Variants in RAB23 observed in about 807,000 individuals in gnomAD.
RAB23 encodes ras-related protein Rab-23.
A neutral mutation model predicts 30.0 loss-of-function variants in RAB23; 15 were observed. That is an observed-to-expected ratio of 0.50 (90% CI 0.33 to 0.77). The LOEUF (loss-of-function observed/expected upper bound fraction) is 0.77, where lower values mean the gene tolerates loss of function less well. RAB23 is among the 30% of genes least tolerant of loss of function. The pLI is 0.02. For missense variants in RAB23, 243 were observed against 275.4 expected, an observed-to-expected ratio of 0.88 and a Z score of 0.83; for synonymous variants, 93 against 94.0, an observed-to-expected ratio of 0.99 and a Z score of 0.06.
chr6:57,194,525 T>C (rs1764948289), intron 5 of RAB23, among the ~76,000 whole-genome samples: 1 of 152,098 alleles, frequency 6.6e-6, no homozygotes, highest in Admixed American at 6.5e-5. Context: ...ACTCTACATA[T>C]ATAGCTTACA....
At chr6:57,213,137 G>A (rs1249465887) in intron 1 of RAB23, among the ~76,000 whole-genome samples, 1 of 152,132 alleles carries the variant, frequency 6.6e-6, no homozygotes, top group Non-Finnish European at 1.5e-5. Context: ...CTGCAACCTA[G>A]ATCCCTCACA....
intron 6 of RAB23, among the ~76,000 whole-genome samples, chr6:57,193,022 A>G (rs1180344432): frequency 6.6e-6 from 1 of 152,196 alleles, no homozygotes; most frequent in Non-Finnish European, 1.5e-5. Flanking sequence ...GATTGAAGAG[A>G]ATCTGCATTT....
intron 1 of RAB23, among the ~76,000 whole-genome samples, chr6:57,220,775 C>G (rs955696493): frequency 2.6e-5 from 4 of 151,818 alleles, no homozygotes; most frequent in Admixed American, 1.3e-4. Context: ...ATTTGTTCTA[C>G]ATCCTTACTG....
intron 1 of RAB23, among the ~76,000 whole-genome samples, chr6:57,220,736 G>A (rs1052441782): frequency 1.3e-5 from 2 of 151,880 alleles, no homozygotes; most frequent in African/African-American, 2.4e-5. Flanking sequence ...ATCACATTAG[G>A]TTTTTTTTCT....
At chr6:57,190,653 G>C in intron 6 of RAB23, 53 bp from the exon 7 acceptor site, 1 of 1,579,372 alleles carries the variant, frequency 6.3e-7, no homozygotes, top group Admixed American at 1.7e-5. Context: ...TGAGTTACCT[G>C]TTGCATCCAG....
At chr6:57,200,221 G>T (rs1765194787) in intron 3 of RAB23, among the ~76,000 whole-genome samples, 1 of 151,052 alleles carries the variant, frequency 6.6e-6, no homozygotes, top group Non-Finnish European at 1.5e-5. Flanking sequence ...TATGAGATGG[G>T]GGTTGGAAAG....
At position 57,188,617 on chromosome 6, in the gene RAB23, G is replaced by A. The variant is rs1764706873; in HGVS notation, c.*1844C>T. 1.3e-5 allele frequency: 2 copies of A among 152,036 alleles called. No homozygotes were observed. Among genetic ancestry groups the A allele is most frequent in the South Asian group, 4.1e-4 (2 of 4,832 alleles). The allele number at this position is 152,036 out of a possible 1,614,324, so 9.4% of individuals were successfully genotyped here. ...GAAAATTGAAGAGAGTAGAAAAGATGACTCATTAGCAGTATCCACTGTTTG... is the reference window on the plus strand; with the variant it reads ...GAAAATTGAAGAGAGTAGAAAAGATAACTCATTAGCAGTATCCACTGTTTG... On this transcript the variant is annotated 3_prime_UTR_variant, in exon 7 of 7. Coordinates refer to ENST00000468148, the MANE Select transcript of RAB23 (RefSeq NM_016277.5).
rs1285644173 is a variant in RAB23, at chr6:57,189,919, T to C, written c.*542A>G. 1.2e-5 allele frequency: 2 copies of C among 165,082 alleles called. No individual in the cohort carries two copies. Among genetic ancestry groups the C allele is most frequent in the Admixed American group, 5.7e-5 (1 of 17,600 alleles). 10.2% of individuals were successfully genotyped at this position (165,082 alleles called of 1,614,324 possible). On this transcript the variant is annotated 3_prime_UTR_variant, in exon 7 of 7. Coordinates refer to ENST00000468148, the MANE Select transcript of RAB23 (RefSeq NM_016277.5). Reference sequence around the variant, plus strand: ...CTTCAGCTTACTCCAGTACCAGACATCTGCATGCACACCCCACATTCTACA... The same window carrying C: ...CTTCAGCTTACTCCAGTACCAGACACCTGCATGCACACCCCACATTCTACA...
At chr6:57,204,857 G>C (rs927946379) in intron 3 of RAB23, among the ~76,000 whole-genome samples, 10 of 151,990 alleles carry the variant, frequency 6.6e-5, no homozygotes, top group Admixed American at 1.3e-4. Context: ...ACAGTCATGG[G>C]GGCAACTATA....
At chr6:57,216,410 A>G (rs1337362378) in intron 1 of RAB23, among the ~76,000 whole-genome samples, 2 of 152,224 alleles carry the variant, frequency 1.3e-5, no homozygotes, top group Non-Finnish European at 2.9e-5. Flanking sequence ...TAAAATCAGA[A>G]TTTAATTGAT....
At chr6:57,214,931 G>A (rs1003024667) in intron 1 of RAB23, among the ~76,000 whole-genome samples, 1 of 152,084 alleles carries the variant, frequency 6.6e-6, no homozygotes, top group Non-Finnish European at 1.5e-5. Flanking sequence ...AGCAATTATG[G>A]ATATACTTAA....
Position 57,187,560 on chromosome 6 carries a change from A to G in RAB23, c.*2901T>C, listed in dbSNP as rs1361735147. 1 of 152,210 alleles carries G rather than the reference A, an allele frequency of 6.6e-6. No individual in the cohort carries two copies. The highest frequency in any genetic ancestry group is 6.5e-5 in the Admixed American group (1 of 15,284). The allele number at this position is 152,210 out of a possible 1,614,324, so 9.4% of individuals were successfully genotyped here. A position where few individuals can be genotyped will look rare whatever the true frequency, so the allele number is the denominator to read the frequency against. ...ACAGACTAATGATAGATTAATGGGAACATTTTATCAGGTTAGCAGTAACTA... is the reference window on the plus strand; with the variant it reads ...ACAGACTAATGATAGATTAATGGGAGCATTTTATCAGGTTAGCAGTAACTA... On this transcript the variant is annotated 3_prime_UTR_variant, in exon 7 of 7. Transcript: ENST00000468148.
At chr6:57,210,055 A>G (rs1765595538) in intron 2 of RAB23, among the ~76,000 whole-genome samples, 171 bp downstream of exon 2, 1 of 152,086 alleles carries the variant, frequency 6.6e-6, no homozygotes, top group South Asian at 2.1e-4. Context: ...ATGAAAGAAA[A>G]AAAAAAGGAT....
At chr6:57,200,584 C>A (rs1302772134) in intron 3 of RAB23, among the ~76,000 whole-genome samples, 1 of 145,854 alleles carries the variant, frequency 6.9e-6, no homozygotes, top group Admixed American at 6.9e-5. Flanking sequence ...AAGTACTGTA[C>A]TCCAAACCCT....
intron 2 of RAB23, among the ~76,000 whole-genome samples, chr6:57,207,992 T>G (rs1249069059): frequency 6.6e-6 from 1 of 152,160 alleles, no homozygotes; most frequent in African/African-American, 2.4e-5. Context: ...GCTCCTCAAC[T>G]TACGATGGGG....
Position 57,187,659 on chromosome 6 carries a change from C to A in RAB23, c.*2802G>T, listed in dbSNP as rs1163666280. 4 of 152,116 alleles carry A rather than the reference C, an allele frequency of 2.6e-5. No homozygotes were observed. Among genetic ancestry groups the A allele is most frequent in the Non-Finnish European group, 4.4e-5 (3 of 68,008 alleles). The allele number at this position is 152,116 out of a possible 1,614,324, so 9.4% of individuals were successfully genotyped here. A position where few individuals can be genotyped will look rare whatever the true frequency, so the allele number is the denominator to read the frequency against. On this transcript the variant is annotated 3_prime_UTR_variant, in exon 7 of 7. Transcript: ENST00000468148. ...AAAAGGGTCCAACACTAAGTTGGGA[C>A]ATTAGGTCCTAAGGCCAACTCCCTA...
At chr6:57,193,674 A>C (rs954600498) in intron 6 of RAB23, among the ~76,000 whole-genome samples, 168 bp downstream of exon 6, 1 of 152,198 alleles carries the variant, frequency 6.6e-6, no homozygotes, top group Non-Finnish European at 1.5e-5. Context: ...ATGGCAAAAA[A>C]ACCCCCATTA....
chr6:57,206,110 G>T (rs1187024963), intron 3 of RAB23, among the ~76,000 whole-genome samples: 1 of 152,232 alleles, frequency 6.6e-6, no homozygotes, highest in Non-Finnish European at 1.5e-5. Flanking sequence ...CTCGGATGCA[G>T]ATTGGTAGAT....
At chr6:57,221,531 C>T (rs1195264505) in intron 1 of RAB23, 195 bp downstream of exon 1, 1 of 152,528 alleles carries the variant, frequency 6.6e-6, no homozygotes, top group Non-Finnish European at 1.5e-5. Flanking sequence ...CAGGGTGGAG[C>T]TGAGGACTCT....
Sources: allele counts gnomAD v4.1 joint callset (sites outside exome capture counted in the v4.1 genomes callset), GRCh38; gene constraint gnomAD v4.1.1; transcripts MANE v1.5; gene names NCBI Gene and HGNC (gene_info 2026-07-23, HGNC 2026-07-21).